GRIP1: variants seen among roughly 807,000 people sequenced by gnomAD.
GRIP1 encodes glutamate receptor interacting protein 1.
GRIP1 carries 45 observed loss-of-function variants against 129.9 expected under a neutral mutation model. That is an observed-to-expected ratio of 0.35 (90% CI 0.27 to 0.44). GRIP1 has a LOEUF of 0.44. GRIP1 is among the 20% of genes least tolerant of loss of function. The probability of loss-of-function intolerance (pLI) is 1.00; values close to 1 mark genes in which losing one functional copy is unlikely to be tolerated. For synonymous variants in GRIP1, 530 were observed against 520.8 expected (o/e 1.02, Z -0.24); for missense variants, 1,196 against 1,396.8 (o/e 0.86, Z 2.29).
chr12:66,751,361 C>A (rs2136617989), intron 1 of GRIP1, among the ~76,000 whole-genome samples: 1 of 152,244 alleles, frequency 6.6e-6, no homozygotes, highest in Non-Finnish European at 1.5e-5. Flanking sequence ...GCTCAAAGTA[C>A]AGGCAGAAAA....
intron 1 of GRIP1, among the ~76,000 whole-genome samples, chr12:66,715,564 T>G (rs1265615253): frequency 6.6e-6 from 1 of 151,544 alleles, no homozygotes; most frequent in Non-Finnish European, 1.5e-5. Context: ...GCATTTCTTT[T>G]CATCTTTGTT....
At chr12:66,454,767 C>A (rs2058906058) in intron 11 of GRIP1, among the ~76,000 whole-genome samples, 1 of 151,354 alleles carries the variant, frequency 6.6e-6, no homozygotes, top group African/African-American at 2.4e-5. Flanking sequence ...GCTGAGCATC[C>A]TTCCAATCTT....
intron 1 of GRIP1, among the ~76,000 whole-genome samples, chr12:66,666,979 A>T (rs1230041805): frequency 6.6e-6 from 1 of 151,544 alleles, no homozygotes; most frequent in Non-Finnish European, 1.5e-5. Flanking sequence ...AGTTCTTAGG[A>T]TCTTCTCATT....
At chr12:66,847,554 A>G (rs1392589446) in intron 1 of GRIP1, among the ~76,000 whole-genome samples, 2 of 152,190 alleles carry the variant, frequency 1.3e-5, no homozygotes, top group Non-Finnish European at 2.9e-5. Context: ...GCTATCCATT[A>G]CACATATAGT....
intron 7 of GRIP1, among the ~76,000 whole-genome samples, chr12:66,473,542 A>T (rs1454351577): frequency 6.6e-6 from 1 of 152,120 alleles, no homozygotes; most frequent in Non-Finnish European, 1.5e-5. Context: ...CTGGGAGACA[A>T]CTCCCAGCAG....
chr12:66,562,076 C>T (rs1444019578), intron 2 of GRIP1, among the ~76,000 whole-genome samples: 1 of 151,992 alleles, frequency 6.6e-6, no homozygotes, highest in Non-Finnish European at 1.5e-5. Flanking sequence ...CTACAGCACT[C>T]CAGCCTGGGT....
intron 1 of GRIP1, among the ~76,000 whole-genome samples, chr12:66,848,614 A>G (rs757075702): frequency 1.6e-4 from 25 of 152,178 alleles, no homozygotes; most frequent in Non-Finnish European, 3.1e-4. Flanking sequence ...ACAATGAGCT[A>G]TATAGACATT....
At chr12:66,539,250 C>T (rs2061698268) in intron 3 of GRIP1, 27 bp from the exon 4 acceptor site, 1 of 1,613,692 alleles carries the variant, frequency 6.2e-7, no homozygotes, top group Non-Finnish European at 8.5e-7. Context: ...GTTGTTTCAA[C>T]AGACCCACCC....
upstream of GRIP1, among the ~76,000 whole-genome samples, chr12:66,680,661 C>T (rs1212290410): frequency 6.6e-6 from 1 of 152,014 alleles, no homozygotes; most frequent in Non-Finnish European, 1.5e-5. Context: ...AGAAATATAC[C>T]TTAGTACTAG....
intron 2 of GRIP1, among the ~76,000 whole-genome samples, chr12:66,579,263 T>C (rs12829391): frequency 6.6e-6 from 1 of 151,962 alleles, no homozygotes. Context: ...CATCTGTACA[T>C]CACCATCATC....
chr12:66,445,613 G>A (rs1281991450), intron 11 of GRIP1, 105 bp from the exon 12 acceptor site: 4 of 732,542 alleles, frequency 5.5e-6, no homozygotes, highest in Non-Finnish European at 8.9e-6. Context: ...GAATGGCAAT[G>A]GTGGGAGGTT....
intron 2 of GRIP1, among the ~76,000 whole-genome samples, chr12:66,556,187 A>C (rs1380282358): frequency 6.6e-6 from 1 of 152,182 alleles, no homozygotes; most frequent in African/African-American, 2.4e-5. Context: ...AAGAGAAAAT[A>C]AACAAATAAC....
At chr12:66,733,985 G>C (rs1020105653) in intron 1 of GRIP1, among the ~76,000 whole-genome samples, 2 of 146,552 alleles carry the variant, frequency 1.4e-5, no homozygotes, top group Admixed American at 6.6e-5. Context: ...TTTTTCAGGA[G>C]AGAGGTGGTT....
intron 1 of GRIP1, among the ~76,000 whole-genome samples, chr12:66,618,868 T>C (rs1043260133): frequency 1.3e-5 from 2 of 152,122 alleles, no homozygotes; most frequent in Admixed American, 1.3e-4. Flanking sequence ...AAAAATGAGA[T>C]GTTCAGTAGC....
chr12:66,705,399 T>G (rs1469452519), intron 1 of GRIP1, among the ~76,000 whole-genome samples: 2 of 151,916 alleles, frequency 1.3e-5, no homozygotes, highest in African/African-American at 4.8e-5. Flanking sequence ...CCCAAGGAAA[T>G]AAGAGAGGAC....
chr12:66,823,890 C>G (rs926001082), intron 1 of GRIP1, among the ~76,000 whole-genome samples: 1 of 152,124 alleles, frequency 6.6e-6, no homozygotes, highest in Non-Finnish European at 1.5e-5. Flanking sequence ...ATCAATTGAA[C>G]AAGATGTAAA....
intron 1 of GRIP1, among the ~76,000 whole-genome samples, chr12:66,686,229 A>G (rs2034779106): frequency 6.6e-6 from 1 of 152,188 alleles, no homozygotes; most frequent in African/African-American, 2.4e-5. Context: ...TGACAAGATC[A>G]TAAGGACCCT....
chr12:66,866,246 A>G (rs925549001), intron 1 of GRIP1, among the ~76,000 whole-genome samples: 1 of 152,178 alleles, frequency 6.6e-6, no homozygotes, highest in Non-Finnish European at 1.5e-5. Flanking sequence ...GGATGGGAGA[A>G]TTGCTTGAGG....
chr12:66,793,810 T>C (rs1286763227), intron 1 of GRIP1, among the ~76,000 whole-genome samples: 1 of 152,172 alleles, frequency 6.6e-6, no homozygotes, highest in Non-Finnish European at 1.5e-5. Flanking sequence ...TGGCTGATAA[T>C]AGCTAACATA....
Sources: allele counts gnomAD v4.1 joint callset (sites outside exome capture counted in the v4.1 genomes callset), GRCh38; gene constraint gnomAD v4.1.1; transcripts MANE v1.5; gene names NCBI Gene and HGNC (gene_info 2026-07-23, HGNC 2026-07-21).